The following ABCC4 variants were observed in gnomAD, a reference collection of about 807,000 sequenced individuals.
The protein encoded by ABCC4 is ATP binding cassette subfamily C member 4 (PEL blood group), also known as ATP-binding cassette sub-family C member 4.
ABCC4 carries 102 observed loss-of-function variants against 168.5 expected under a neutral mutation model. That is an observed-to-expected ratio of 0.61 (90% CI 0.52 to 0.71). The LOEUF (loss-of-function observed/expected upper bound fraction) is 0.71, where lower values mean the gene tolerates loss of function less well. Ranked by LOEUF, ABCC4 falls within the 30% of genes least tolerant of loss-of-function variation. ABCC4 has a pLI of 0.00. For synonymous variants in ABCC4, 617 were observed against 590.7 expected (o/e 1.04, Z -0.65); for missense variants, 1,402 against 1,605.8 (o/e 0.87, Z 2.17).
chr13:95,247,607 G>A (rs2040139992), intron 2 of ABCC4, 36 bp downstream of exon 2: 7 of 1,529,098 alleles, frequency 4.6e-6, no homozygotes, highest in Admixed American at 1.7e-5. Flanking sequence ...AGACACCCAC[G>A]CTTCCTTAAT....
At chr13:95,109,232 G>T (rs908662428) in intron 20 of ABCC4, among the ~76,000 whole-genome samples, 7 of 152,202 alleles carry the variant, frequency 4.6e-5, no homozygotes, top group Non-Finnish European at 8.8e-5. Context: ...GCTCAGCCTG[G>T]TGTTATATGA....
At chr13:95,068,078 G>C (rs2033607564) in intron 25 of ABCC4, among the ~76,000 whole-genome samples, 1 of 152,182 alleles carries the variant, frequency 6.6e-6, no homozygotes, top group African/African-American at 2.4e-5. Flanking sequence ...AATCTGAGCA[G>C]ATGAAGCAAT....
rs570803909 is a variant in ABCC4, at chr13:95,138,602, T to C, written c.2455+22587A>G. On this transcript the variant is annotated intron_variant, in intron 19 of 30. Coordinates refer to ENST00000645237, the MANE Select transcript of ABCC4 (RefSeq NM_005845.5). Reference sequence around the variant, plus strand: ...ACTTTATGAGGCCCAGGCAGTAGGATCACCTGAGGCCAGGAGTTCAAGACC... The same window carrying C: ...ACTTTATGAGGCCCAGGCAGTAGGACCACCTGAGGCCAGGAGTTCAAGACC... 2.0e-5 allele frequency among the ~76,000 whole-genome samples: 3 copies of C among 152,070 alleles called. No homozygotes were observed. In the South Asian group the frequency reaches 6.2e-4, roughly 32 times the overall value.
At chr13:95,199,925 A>G (rs9516533) in intron 8 of ABCC4, among the ~76,000 whole-genome samples, 18,960 of 152,108 alleles carry the variant, frequency 0.12, 1,577 homozygotes, top group Non-Finnish European at 0.18. Flanking sequence ...CACGCACACA[A>G]TGCTGCAGGC....
intron 9 of ABCC4, 106 bp downstream of exon 9, chr13:95,194,730 T>C: frequency 1.2e-6 from 1 of 814,618 alleles, no homozygotes; most frequent in South Asian, 2.1e-5. Flanking sequence ...TTTCAGTAAA[T>C]AAGCAAGCCA....
At chr13:95,202,644 CTTTT>C (rs10603210) in intron 8 of ABCC4, among the ~76,000 whole-genome samples, 3 of 93,066 alleles carry the variant, frequency 3.2e-5, no homozygotes, top group Middle Eastern at 8.2e-3. Context: ...AGAATGTGCA[CTTTT>C]TTTTTTTTTT....
At chr13:95,039,226 C>T (rs905193555) in intron 29 of ABCC4, among the ~76,000 whole-genome samples, 5 of 152,076 alleles carry the variant, frequency 3.3e-5, no homozygotes, top group African/African-American at 4.8e-5. Flanking sequence ...ATACTTAATC[C>T]GAAAATCCAA....
chr13:95,044,568 C>G, intron 27 of ABCC4, 130 bp from the exon 28 acceptor site: 1 of 666,918 alleles, frequency 1.5e-6, no homozygotes, highest in Non-Finnish European at 2.3e-6. Context: ...ACACATGAGG[C>G]TGAATTACCT....
At chr13:95,215,465 C>A (rs1419045073) in intron 4 of ABCC4, among the ~76,000 whole-genome samples, 39 of 152,136 alleles carry the variant, frequency 2.6e-4, no homozygotes, top group Admixed American at 2.5e-3. Context: ...CTGCTTAGAG[C>A]AAAAATGGTA....
At chr13:95,126,831 ATATT>A (rs1197525491) in intron 19 of ABCC4, among the ~76,000 whole-genome samples, 2 of 146,682 alleles carry the variant, frequency 1.4e-5, no homozygotes, top group African/African-American at 5.0e-5. Flanking sequence ...ATATTTATAT[ATATT>A]TAAGTACACC....
intron 19 of ABCC4, among the ~76,000 whole-genome samples, chr13:95,120,778 T>C (rs2139424317): frequency 6.6e-6 from 1 of 152,220 alleles, no homozygotes; most frequent in Admixed American, 6.5e-5. Flanking sequence ...GCAGAGTCTA[T>C]CAAATGGTGT....
intron 9 of ABCC4, among the ~76,000 whole-genome samples, chr13:95,190,970 C>A (rs1011417607): frequency 6.6e-6 from 1 of 152,202 alleles, no homozygotes; most frequent in Non-Finnish European, 1.5e-5. Context: ...GCAGCCTCCT[C>A]AACTCTAGAA....
At chr13:95,064,386 T>C (rs1388044601) in intron 25 of ABCC4, among the ~76,000 whole-genome samples, 1 of 151,140 alleles carries the variant, frequency 6.6e-6, no homozygotes, top group Non-Finnish European at 1.5e-5. Context: ...TAAACAGGTA[T>C]TCATTTTTCC....
intron 19 of ABCC4, among the ~76,000 whole-genome samples, chr13:95,157,502 G>A (rs1174305120): frequency 7.8e-6 from 1 of 129,016 alleles, no homozygotes; most frequent in Admixed American, 8.3e-5. Context: ...GAAGAAAGAG[G>A]AAGGAAGGAA....
chr13:95,049,938 A>G (rs2032759255), intron 27 of ABCC4, among the ~76,000 whole-genome samples: 1 of 152,214 alleles, frequency 6.6e-6, no homozygotes, highest in Non-Finnish European at 1.5e-5. Context: ...GTTTGGCCTC[A>G]TTTATAAACC....
chr13:95,101,524 A>G (rs765191171), intron 20 of ABCC4, among the ~76,000 whole-genome samples: 1 of 152,180 alleles, frequency 6.6e-6, no homozygotes, highest in Non-Finnish European at 1.5e-5. Context: ...CAACCTCTGC[A>G]TCTTATCTTC....
chr13:95,209,419 C>T lies in ABCC4; in HGVS notation c.785+15G>A. 1.2e-6 allele frequency: 2 copies of T among 1,611,694 alleles called. No individual in the cohort carries two copies. The highest frequency in any genetic ancestry group is 1.7e-6 in the Non-Finnish European group (2 of 1,178,612). ...CAAATACATATGACATTTTTCACAG[C>T]AGTATTTCTCTTACCTCAGTGATGA... On this transcript the variant is annotated intron_variant, in intron 6 of 30. Coordinates refer to ENST00000645237, the MANE Select transcript of ABCC4 (RefSeq NM_005845.5).
intron 1 of ABCC4, among the ~76,000 whole-genome samples, chr13:95,290,103 A>AATAGATAGATAGATAG (rs72443922): frequency 1.7e-4 from 19 of 113,812 alleles, no homozygotes; most frequent in Admixed American, 4.8e-4. Flanking sequence ...TCTCAAAAAA[A>AATAGATAGATAGATAG]ATAGATAGAT....
At chr13:95,291,381 C>T (rs1378052295) in intron 1 of ABCC4, among the ~76,000 whole-genome samples, 2 of 151,880 alleles carry the variant, frequency 1.3e-5, no homozygotes, top group African/African-American at 4.8e-5. Flanking sequence ...ACAGAAGTGC[C>T]CAGGTGATCC....
Sources: gnomAD v4.1 joint callset for allele counts (sites outside exome capture counted in the v4.1 genomes callset) on GRCh38, gnomAD v4.1.1 for gene constraint, MANE v1.5 for transcripts, NCBI Gene and HGNC (gene_info 2026-07-23, HGNC 2026-07-21) for gene names.